Variants in MTIF3 observed in about 807,000 individuals in gnomAD.
MTIF3 encodes the protein translation initiation factor IF-3, mitochondrial.
A neutral mutation model predicts 20.7 loss-of-function variants in MTIF3; 13 were observed. That is an observed-to-expected ratio of 0.63 (90% confidence interval 0.41 to 1.00). The LOEUF is 1.00. MTIF3 is among the 50% of genes least tolerant of loss of function. MTIF3 has a pLI of 0.00. For missense variants in MTIF3, 295 were observed against 324.5 expected (o/e 0.91, Z 0.70); for synonymous variants, 114 against 112.5 (o/e 1.01, Z -0.08).
At chr13:27,439,890 C>A in intron 3 of MTIF3, 99 bp downstream of exon 3, 1 of 1,037,914 alleles carries the variant, frequency 9.6e-7, no homozygotes. Context: ...TCTAGTTTCT[C>A]ATTTCCCTCT....
intron 1 of MTIF3, among the ~76,000 whole-genome samples, chr13:27,447,968 A>G (rs2037646791): frequency 6.6e-6 from 1 of 152,164 alleles, no homozygotes; most frequent in South Asian, 2.1e-4. Context: ...GCTCTTATGA[A>G]TAGCTGCTGT....
At chr13:27,439,790 T>C (rs1477027141) in intron 3 of MTIF3, among the ~76,000 whole-genome samples, 199 bp downstream of exon 3, 5 of 152,080 alleles carry the variant, frequency 3.3e-5, no homozygotes, top group Non-Finnish European at 7.4e-5. Context: ...CAGGGTATTG[T>C]GGAAAAACAG....
At chr13:27,450,461 C>G (rs902287934) in intron 1 of MTIF3, 48 bp downstream of exon 1, 7 of 152,506 alleles carry the variant, frequency 4.6e-5, no homozygotes, top group Admixed American at 4.6e-4. Flanking sequence ...CCACGCCCTC[C>G]CGATGCCGGT....
At chr13:27,446,189 C>T (rs1159210343) in intron 1 of MTIF3, among the ~76,000 whole-genome samples, 2 of 151,974 alleles carry the variant, frequency 1.3e-5, no homozygotes, top group Admixed American at 6.5e-5. Flanking sequence ...CCCAAGTAGC[C>T]GGGATTACAG....
chr13:27,439,228 G>C (rs529563093), intron 3 of MTIF3, among the ~76,000 whole-genome samples: 1 of 152,276 alleles, frequency 6.6e-6, no homozygotes, highest in African/African-American at 2.4e-5. Flanking sequence ...AGGCGCAGTG[G>C]ATCACGCCTG....
chr13:27,438,498 T>G (rs888136969), intron 3 of MTIF3, among the ~76,000 whole-genome samples: 39 of 146,226 alleles, frequency 2.7e-4, no homozygotes, highest in African/African-American at 6.3e-4. Flanking sequence ...TTTTTTTTTT[T>G]TTTTTTTTTT....
At chr13:27,439,591 T>A (rs1464473767) in intron 3 of MTIF3, among the ~76,000 whole-genome samples, 1 of 152,142 alleles carries the variant, frequency 6.6e-6, no homozygotes, top group African/African-American at 2.4e-5. Flanking sequence ...GTTAAATGAG[T>A]GGCCCGGCAG....
At chr13:27,448,942 G>A (rs998876000) in intron 1 of MTIF3, among the ~76,000 whole-genome samples, 10 of 152,320 alleles carry the variant, frequency 6.6e-5, no homozygotes, top group Middle Eastern at 3.4e-3. Context: ...TTGGGAGGCT[G>A]AGGCAGGAGA....
intron 1 of MTIF3, chr13:27,450,175 G>A (rs535785605): frequency 5.2e-5 from 8 of 152,420 alleles, no homozygotes; most frequent in African/African-American, 1.9e-4. Context: ...GCCAGGGCTA[G>A]AGACGGGACG....
At chr13:27,443,447 T>A (rs981529428) in intron 2 of MTIF3, among the ~76,000 whole-genome samples, 3 of 152,258 alleles carry the variant, frequency 2.0e-5, no homozygotes, top group Admixed American at 1.3e-4. Flanking sequence ...CTTAAGTTCC[T>A]GCTCACAAGC....
At chr13:27,444,996 T>C (rs1003385293) in intron 2 of MTIF3, 92 bp downstream of exon 2, 8 of 152,162 alleles carry the variant, frequency 5.3e-5, no homozygotes, top group Non-Finnish European at 1.0e-4. Context: ...TCTATGAAAA[T>C]GATAATTTGC....
intron 4 of MTIF3, among the ~76,000 whole-genome samples, chr13:27,436,116 A>T (rs1056993941): frequency 6.6e-6 from 1 of 152,098 alleles, no homozygotes; most frequent in Non-Finnish European, 1.5e-5. Context: ...TTAAATCTCC[A>T]CTTCGTCATG....
At chr13:27,437,003 G>A (rs1315863511) in intron 4 of MTIF3, 113 bp downstream of exon 4, 51 of 1,040,342 alleles carry the variant, frequency 4.9e-5, no homozygotes, top group Non-Finnish European at 6.7e-5. Flanking sequence ...CGCCCACCTT[G>A]GCCTCCCAAA....
In MTIF3 at chr13:27,437,173, G is replaced by A. The variant is rs1953807432; in HGVS notation, c.561C>T (p.His187=). The change falls in exon 4 of 5, where the codon CAC becomes CAT. Residue 187 remains histidine (H), a synonymous_variant. Transcript: ENST00000381120. ...KQIQQWIKKK[H]LVQITIKKGK... ...CTTTCTTTATGGTAATCTGGACTAG[G>A]TGTTTTTTCTTAATCCACTGCTGAA... 6.2e-7 allele frequency: 1 copy of A among 1,614,022 alleles called. No individual in the cohort carries two copies. The highest frequency in any genetic ancestry group is 1.3e-5 in the African/African-American group (1 of 75,012).
Position 27,449,847 on chromosome 13 carries a change from C to T in MTIF3, c.-71+662G>A, listed in dbSNP as rs546444013. The T allele has an allele frequency of 5.9e-5, 9 of 152,348 alleles. No individual in the cohort carries two copies. In the East Asian group the frequency reaches 1.4e-3, roughly 23 times the overall value. 9.4% of individuals were successfully genotyped at this position (152,348 alleles called of 1,614,324 possible). On this transcript the variant is annotated intron_variant, in intron 1 of 4. Coordinates refer to ENST00000381120, the MANE Select transcript of MTIF3 (RefSeq NM_152912.5). ...TCTAAGACTTAGGCCTTTCACAACA[C>T]GTACTTGAAACTGAGACTTCTCAGT...
chr13:27,440,417 A>G lies in MTIF3; in HGVS notation c.32T>C (p.Leu11Pro), dbSNP rs1953966203. 1.2e-6 allele frequency: 2 copies of G among 1,611,044 alleles called. No individual in the cohort carries two copies. Among genetic ancestry groups the G allele is most frequent in the East Asian group, 2.2e-5 (1 of 44,858 alleles). Reference sequence around the variant, plus strand: ...ACTATTTTCAGACTTTACAGTTTGTAGTGTTAACCTCTTTAGAAAAAGAGC... The same window carrying G: ...ACTATTTTCAGACTTTACAGTTTGTGGTGTTAACCTCTTTAGAAAAAGAGC... Reference protein sequence around the residue: MAALFLKRLTLQTVKSENSCI... With the variant: MAALFLKRLTPQTVKSENSCI... Residue 11 changes from leucine (L) to proline (P), a missense_variant, in exon 3 of 5, where the codon CTA becomes CCA. Transcript: ENST00000381120.
intron 4 of MTIF3, among the ~76,000 whole-genome samples, chr13:27,436,678 A>G (rs1448601512): frequency 6.6e-6 from 1 of 152,040 alleles, no homozygotes; most frequent in Non-Finnish European, 1.5e-5. Context: ...GCAAACTAGA[A>G]AGCTGTTAAC....
Position 27,440,015 on chromosome 13 carries a change from T to C in MTIF3, c.434A>G (p.Glu145Gly). The C allele has an allele frequency of 1.9e-6, 3 of 1,613,832 alleles. No homozygotes were observed. Among genetic ancestry groups the C allele is most frequent in the Non-Finnish European group, 2.5e-6 (3 of 1,179,750 alleles). Reference sequence around the variant, plus strand: ...AGTTTTGGGGTTCGCCTTCTCCATCTCCCTCAGCCTCTGCCGCTCCTGGAG... The same window carrying C: ...AGTTTTGGGGTTCGCCTTCTCCATCCCCCTCAGCCTCTGCCGCTCCTGGAG... ...QILQERQRLR[E>G]MEKANPKTGP... The change falls in exon 3 of 5, where the codon GAG becomes GGG. Residue 145 changes from glutamate to glycine, a missense_variant. Coordinates refer to ENST00000381120, the MANE Select transcript of MTIF3 (RefSeq NM_152912.5).
chr13:27,441,804 C>T (rs925348853), intron 2 of MTIF3, among the ~76,000 whole-genome samples: 2 of 152,188 alleles, frequency 1.3e-5, no homozygotes, highest in Admixed American at 6.5e-5. Flanking sequence ...GGGTGCTTCT[C>T]AAAGAATGGT....
Sources: allele counts gnomAD v4.1 joint callset (sites outside exome capture counted in the v4.1 genomes callset), GRCh38; gene constraint gnomAD v4.1.1; transcripts MANE v1.5; gene names NCBI Gene and HGNC (gene_info 2026-07-23, HGNC 2026-07-21).